The following VPS37C variants were observed in gnomAD, a reference collection of about 807,000 sequenced individuals.
VPS37C encodes the protein VPS37C subunit of ESCRT-I, also known as vacuolar protein sorting-associated protein 37C.
In VPS37C, 9 loss-of-function variants were observed where a neutral mutation model predicts 16.1. The ratio of observed to expected loss-of-function variants is 0.56; its 90% CI spans 0.34 to 0.97. The LOEUF is 0.97. VPS37C is among the 50% of genes least tolerant of loss of function. VPS37C has a pLI of 0.02. For missense variants in VPS37C, 479 were observed against 472.7 expected, an observed-to-expected ratio of 1.01 and a Z score of -0.12; for synonymous variants, 207 against 206.4, an observed-to-expected ratio of 1.00 and a Z score of -0.02.
intron 2 of VPS37C, chr11:61,138,309 G>T (rs1464729248): frequency 1.2e-5 from 2 of 171,114 alleles, no homozygotes; most frequent in Non-Finnish European, 2.6e-5. Context: ...TTAGGGGCCA[G>T]TTATGAGGAG....
At chr11:61,135,881 G>A (rs1013703380) in intron 2 of VPS37C, among the ~76,000 whole-genome samples, 2 of 152,084 alleles carry the variant, frequency 1.3e-5, no homozygotes, top group African/African-American at 2.4e-5. Flanking sequence ...CCAACAAATC[G>A]ACGCTGTATC....
At chr11:61,140,679 A>C (rs537057655) in intron 1 of VPS37C, among the ~76,000 whole-genome samples, 18 of 152,324 alleles carry the variant, frequency 1.2e-4, no homozygotes, top group African/African-American at 4.3e-4. Context: ...CCAGATTTTG[A>C]GAAGATGACA....
chr11:61,138,586 G>T, intron 2 of VPS37C, 151 bp downstream of exon 2: 1 of 685,302 alleles, frequency 1.5e-6, no homozygotes, highest in East Asian at 2.8e-5. Context: ...TGAAGCCTCA[G>T]GGATTCCTCT....
chr11:61,132,675 G>A (rs1028048405), intron 4 of VPS37C, 136 bp from the exon 5 acceptor site: 13 of 1,168,700 alleles, frequency 1.1e-5, no homozygotes, highest in African/African-American at 4.6e-5. Flanking sequence ...CTGCCCATAC[G>A]CCCCTTCTCA....
At chr11:61,138,259 G>C (rs1424352279) in intron 2 of VPS37C, 2 of 159,090 alleles carry the variant, frequency 1.3e-5, no homozygotes, top group African/African-American at 4.8e-5. Context: ...GCAGGATTCT[G>C]TTTCTTTCCT....
intron 1 of VPS37C, among the ~76,000 whole-genome samples, chr11:61,159,739 T>TAAAAAAA (rs1332038692): frequency 1.5e-5 from 2 of 135,618 alleles, no homozygotes; most frequent in Admixed American, 7.1e-5. Context: ...AATAAATAAA[T>TAAAAAAA]AAAAAATACA....
rs541282132 is a variant in VPS37C at position 61,138,932 on chromosome 11, T to C, written c.-6-97A>G. 3.5e-6 allele frequency: 4 copies of C among 1,135,326 alleles called. No homozygotes were observed. In the Admixed American group the frequency reaches 7.1e-5, roughly 20 times the overall value. 70.3% of individuals were successfully genotyped at this position (1,135,326 alleles called of 1,614,324 possible). On this transcript the variant is annotated intron_variant, in intron 1 of 4. Coordinates refer to ENST00000301765, the MANE Select transcript of VPS37C (RefSeq NM_017966.5). ...GATTTATCAAAAACAAACTGGAGTT[T>C]TCCTGCGATAATACCACTCCACCGG...
chr11:61,141,261 C>T (rs959188592), intron 1 of VPS37C, among the ~76,000 whole-genome samples: 10 of 151,666 alleles, frequency 6.6e-5, no homozygotes, highest in Admixed American at 2.0e-4. Flanking sequence ...CCAGTTACTC[C>T]GGAGGCCCAG....
intron 1 of VPS37C, among the ~76,000 whole-genome samples, chr11:61,146,750 C>T (rs904169348): frequency 6.6e-6 from 1 of 152,232 alleles, no homozygotes; most frequent in Admixed American, 6.5e-5. Flanking sequence ...AGAAGAGGAA[C>T]AGTGCCCCTG....
intron 2 of VPS37C, among the ~76,000 whole-genome samples, chr11:61,134,843 T>A (rs1861336770): frequency 6.6e-6 from 1 of 152,150 alleles, no homozygotes; most frequent in African/African-American, 2.4e-5. Flanking sequence ...CTGCAAACAC[T>A]TCCCCAAGCC....
intron 2 of VPS37C, among the ~76,000 whole-genome samples, chr11:61,135,190 T>C (rs1357701431): frequency 1.3e-5 from 2 of 152,208 alleles, no homozygotes; most frequent in Non-Finnish European, 1.5e-5. Context: ...CCAGACTGGC[T>C]CATGCCCCAC....
intron 1 of VPS37C, among the ~76,000 whole-genome samples, chr11:61,153,562 C>CA (rs1213503078): frequency 2.0e-5 from 3 of 152,056 alleles, no homozygotes; most frequent in South Asian, 2.1e-4. Flanking sequence ...TCTCCTGCCA[C>CA]AAAAAACTAA....
At chr11:61,148,036 C>T (rs1853244031) in intron 1 of VPS37C, among the ~76,000 whole-genome samples, 1 of 152,180 alleles carries the variant, frequency 6.6e-6, no homozygotes, top group South Asian at 2.1e-4. Flanking sequence ...GATAAGCGAA[C>T]AGCCCAAAAA....
rs538481580 is a variant in VPS37C, at chr11:61,141,591, C to A, written c.-6-2756G>T. Among the ~76,000 whole-genome samples the A allele has an allele frequency of 5.9e-5, 9 of 152,282 alleles. No individual in the cohort carries two copies. In the South Asian group the frequency reaches 1.9e-3, roughly 32 times the overall value. Reference sequence around the variant, plus strand: ...CAGCCAGAGACAGTTCAAGTCCAGGCCCTGCCCCTCGCACAGGTGGAACCT... The same window carrying A: ...CAGCCAGAGACAGTTCAAGTCCAGGACCTGCCCCTCGCACAGGTGGAACCT... On this transcript the variant is annotated intron_variant, in intron 1 of 4. Transcript: ENST00000301765.
intron 2 of VPS37C, among the ~76,000 whole-genome samples, 166 bp from the exon 3 acceptor site, chr11:61,134,373 C>G (rs1861328245): frequency 6.6e-6 from 1 of 152,190 alleles, no homozygotes; most frequent in South Asian, 2.1e-4. Context: ...AGGTTCAAAC[C>G]CTGAATGAAG....
In VPS37C at chr11:61,132,290, T is replaced by C. The variant is rs1340667453; in HGVS notation, c.598A>G (p.Met200Val). Residue 200 changes from methionine to valine, a missense_variant, in exon 5 of 5, where the codon ATG (methionine) becomes GTG (valine). Coordinates refer to ENST00000301765, the MANE Select transcript of VPS37C (RefSeq NM_017966.5). ...CTGTAGGGCAAAGGGTAGGGAGGCA[T>C]GGCTAATGGTGGCTGCGGCTGCTCT... Reference protein sequence around the residue: ...VEEQPQPPLAMPPYPLPYSPS... With the variant: ...VEEQPQPPLAVPPYPLPYSPS... 4.4e-6 allele frequency: 7 copies of C among 1,573,648 alleles called. No individual in the cohort carries two copies. The Admixed American group carries it at 7.1e-5, about 16-fold the overall frequency.
intron 1 of VPS37C, among the ~76,000 whole-genome samples, chr11:61,140,389 C>T (rs951170754): frequency 4.6e-5 from 7 of 152,000 alleles, no homozygotes; most frequent in African/African-American, 1.7e-4. Flanking sequence ...CTCCCCCCAC[C>T]CACTCAAGGG....
chr11:61,148,729 T>C (rs1853253714), intron 1 of VPS37C, among the ~76,000 whole-genome samples: 1 of 152,218 alleles, frequency 6.6e-6, no homozygotes. Context: ...TTTTTAGTTT[T>C]CTTTTTTTTC....
chr11:61,143,289 A>G (rs1861504685), intron 1 of VPS37C: 1 of 149,910 alleles, frequency 6.7e-6, no homozygotes, highest in Non-Finnish European at 1.5e-5. Flanking sequence ...GATTCTCAAC[A>G]TGTGCCTCAT....
Sources: gnomAD v4.1 joint callset for allele counts (sites outside exome capture counted in the v4.1 genomes callset) on GRCh38, gnomAD v4.1.1 for gene constraint, MANE v1.5 for transcripts, NCBI Gene and HGNC (gene_info 2026-07-23, HGNC 2026-07-21) for gene names.